The following ANAPC1 variants were observed in gnomAD, a reference collection of about 807,000 sequenced individuals.
ANAPC1 encodes the protein anaphase-promoting complex subunit 1.
Under a neutral mutation model 208.0 loss-of-function variants are expected in ANAPC1, and 36 were observed. The ratio of observed to expected loss-of-function variants is 0.17; its 90% CI spans 0.13 to 0.23. ANAPC1 has a LOEUF of 0.23. ANAPC1 is among the 10% of genes least tolerant of loss of function. The pLI is 1.00. For missense variants in ANAPC1, 942 were observed against 2,011.6 expected (o/e 0.47, Z 10.17); for synonymous variants, 378 against 695.2 (o/e 0.54, Z 7.18).
chr2:111,874,332 C>T lies in ANAPC1; in HGVS notation c.376-668G>A, dbSNP rs778827764. ...TTCAGTAGCATTAACATTAAATTGA[C>T]GAGCTTAGTACAATTTGTGAGCTTG... On this transcript the variant is annotated intron_variant, in intron 3 of 47. Transcript: ENST00000341068. Among the ~76,000 whole-genome samples the T allele has an allele frequency of 3.3e-5, 5 of 152,114 alleles. No homozygotes were observed. In the South Asian group the frequency reaches 8.3e-4, roughly 25 times the overall value.
Position 111,831,512 on chromosome 2 carries a change from T to C in ANAPC1, c.2477-78A>G, listed in dbSNP as rs1680129112. 8 of 1,174,336 alleles carry C rather than the reference T, an allele frequency of 6.8e-6. No individual in the cohort carries two copies. In the South Asian group the frequency reaches 1.2e-4, roughly 17 times the overall value. The allele number at this position is 1,174,336 out of a possible 1,614,324, so 72.7% of individuals were successfully genotyped here. A position where few individuals can be genotyped will look rare whatever the true frequency, so the allele number is the denominator to read the frequency against. The stretch of plus-strand genomic sequence containing the variant: ...TTATTTTATTTTAAACGGAAGATGA[T>C]CAACAGTTACTTGTCATTTTGAAAC... On this transcript the variant is annotated intron_variant, in intron 20 of 47. Coordinates refer to ENST00000341068, the MANE Select transcript of ANAPC1 (RefSeq NM_022662.4).
chr2:111,876,627 T>A (rs1019733323), intron 3 of ANAPC1, among the ~76,000 whole-genome samples: 2 of 151,418 alleles, frequency 1.3e-5, no homozygotes, highest in Non-Finnish European at 2.9e-5. Flanking sequence ...TGGGAAAAAA[T>A]TTACCATCAA....
At position 111,878,881 on chromosome 2, in the gene ANAPC1, A is replaced by G; in HGVS notation, c.304T>C (p.Trp102Arg). 2 of 1,608,174 alleles carry G rather than the reference A, an allele frequency of 1.2e-6. No individual in the cohort carries two copies. The highest frequency in any genetic ancestry group is 8.5e-7 in the Non-Finnish European group (1 of 1,178,136). Residue 102 changes from tryptophan (W) to arginine (R), a missense_variant, in exon 3 of 48, where the codon TGG becomes CGG. Physicochemically the swap from Trp to Arg is moderately radical, Grantham distance 101. Transcript: ENST00000341068. ...GCCTGGCTTTTACTTCCTTTGCTCC[A>G]TATCACCATATTTCCAGCAACATAG... ...ELYVAGNMVI[W>R]SKGSKSQALA...
chr2:111,855,852 A>G (rs1390552056), intron 13 of ANAPC1, among the ~76,000 whole-genome samples: 1 of 151,942 alleles, frequency 6.6e-6, no homozygotes, highest in African/African-American at 2.4e-5. Flanking sequence ...TATTCACTTC[A>G]TTATTATTAT....
At chr2:111,835,804 T>C (rs1680434669) in intron 18 of ANAPC1, among the ~76,000 whole-genome samples, 1 of 152,130 alleles carries the variant, frequency 6.6e-6, no homozygotes, top group Non-Finnish European at 1.5e-5. Flanking sequence ...ATCATGCCAC[T>C]GCACTCCAGC....
At chr2:111,844,428 G>A (rs1186953338) in intron 16 of ANAPC1, among the ~76,000 whole-genome samples, 5 of 151,626 alleles carry the variant, frequency 3.3e-5, no homozygotes, top group South Asian at 2.1e-4. Context: ...AATTAGTTGG[G>A]CATTGTGGCA....
intron 17 of ANAPC1, among the ~76,000 whole-genome samples, chr2:111,842,929 G>A (rs1327884520): frequency 6.6e-6 from 1 of 152,138 alleles, no homozygotes; most frequent in Non-Finnish European, 1.5e-5. Flanking sequence ...AGATACTCAG[G>A]CTAAAGTACT....
chr2:111,788,966 A>G (rs1207456824), intron 38 of ANAPC1, among the ~76,000 whole-genome samples: 8 of 152,288 alleles, frequency 5.3e-5, no homozygotes, highest in Admixed American at 2.6e-4. Context: ...GTGAAACCCC[A>G]TCTCTACTAA....
intron 2 of ANAPC1, 185 bp downstream of exon 2, chr2:111,880,428 C>G (rs1683242433): frequency 1.9e-6 from 2 of 1,032,754 alleles, no homozygotes; most frequent in South Asian, 4.1e-5. Context: ...TAGAGGGTAT[C>G]TAAATAAGTC....
At position 111,873,423 on chromosome 2, in the gene ANAPC1, TACA is replaced by T. The variant is rs748193612; in HGVS notation, c.428-18_428-16del. Reference sequence around the variant, plus strand: ...TTCATTGCTACCTGAAAAGAAAGGGTACAACAAGACTTATGTGTTTTTTCCCTC... The same window carrying T: ...TTCATTGCTACCTGAAAAGAAAGGGTACAAGACTTATGTGTTTTTTCCCTC... On this transcript the variant is annotated splice_polypyrimidine_tract_variant and intron_variant, in intron 4 of 47. Transcript: ENST00000341068. 6 of 1,599,400 alleles carry T rather than the reference TACA, an allele frequency of 3.8e-6. No homozygotes were observed. Among genetic ancestry groups the T allele is most frequent in the East Asian group, 4.5e-5 (2 of 44,666 alleles).
chr2:111,825,280 A>T, intron 22 of ANAPC1, 113 bp from the exon 23 acceptor site: 1 of 1,429,848 alleles, frequency 7.0e-7, no homozygotes, highest in East Asian at 2.3e-5. Context: ...CATCTAAAAA[A>T]AAATAAAATA....
chr2:111,817,485 G>A (rs921075200), intron 27 of ANAPC1, among the ~76,000 whole-genome samples: 1 of 151,708 alleles, frequency 6.6e-6, no homozygotes, highest in African/African-American at 2.4e-5. Context: ...TTTGCCATAG[G>A]TGCTTTACCT....
downstream of ANAPC1, chr2:111,766,331 AC>A (rs1676472304): frequency 5.2e-5 from 8 of 152,464 alleles, no homozygotes; most frequent in Admixed American, 5.2e-4. Context: ...AGAGGGGGGA[AC>A]CCGGGCAGCC....
At position 111,794,739 on chromosome 2, in the gene ANAPC1, T is replaced by C. The variant is rs890195486; in HGVS notation, c.4373+79A>G. ...TCATAATTACTTAAATCAAGGACAA[T>C]ATTACTCCCACATGGTATATTTCAA... On this transcript the variant is annotated intron_variant, in intron 35 of 47. Transcript: ENST00000341068. The C allele has an allele frequency of 3.6e-5, 40 of 1,096,372 alleles. No homozygotes were observed. In the Middle Eastern group the frequency reaches 1.5e-3, roughly 42 times the overall value. The allele number at this position is 1,096,372 out of a possible 1,614,324, so 67.9% of individuals were successfully genotyped here. A position where few individuals can be genotyped will look rare whatever the true frequency, so the allele number is the denominator to read the frequency against.
chr2:111,797,948 C>T (rs1336642101), intron 34 of ANAPC1, among the ~76,000 whole-genome samples: 5 of 122,096 alleles, frequency 4.1e-5, no homozygotes, highest in South Asian at 5.1e-4. Context: ...TTCCTTTCTG[C>T]GGTTTCTGCT....
chr2:111,848,192 A>C (rs1433368432), intron 14 of ANAPC1, among the ~76,000 whole-genome samples: 1 of 152,174 alleles, frequency 6.6e-6, no homozygotes, highest in Non-Finnish European at 1.5e-5. Flanking sequence ...CAGCAAACCA[A>C]GGTCCTCACA....
intron 46 of ANAPC1, among the ~76,000 whole-genome samples, chr2:111,772,828 A>G (rs1407697306): frequency 1.3e-5 from 2 of 152,068 alleles, no homozygotes; most frequent in Non-Finnish European, 2.9e-5. Context: ...GACTGACTTC[A>G]GCTCCAGAAC....
intron 22 of ANAPC1, among the ~76,000 whole-genome samples, chr2:111,825,557 A>G (rs890588679): frequency 1.3e-5 from 2 of 152,234 alleles, no homozygotes; most frequent in African/African-American, 4.8e-5. Flanking sequence ...AGGCTAAAAT[A>G]GTCCTTTTTA....
chr2:111,879,168 T>C (rs2104611538), intron 2 of ANAPC1, among the ~76,000 whole-genome samples, 197 bp from the exon 3 acceptor site: 1 of 152,344 alleles, frequency 6.6e-6, no homozygotes, highest in South Asian at 2.1e-4. Context: ...TCAATAATTC[T>C]CTATATTGAA....
Sources: allele counts gnomAD v4.1 joint callset (sites outside exome capture counted in the v4.1 genomes callset), GRCh38; gene constraint gnomAD v4.1.1; transcripts MANE v1.5; gene names NCBI Gene and HGNC (gene_info 2026-07-23, HGNC 2026-07-21).